Variants in PROCR observed in about 807,000 individuals in gnomAD.
PROCR encodes the protein endothelial protein C receptor.
A neutral mutation model predicts 24.2 loss-of-function variants in PROCR; 22 were observed. The observed-to-expected ratio is 0.91, with a 90% CI of 0.65 to 1.30. The LOEUF (loss-of-function observed/expected upper bound fraction) is 1.30. Ranked by LOEUF, PROCR falls within the 50% of genes most tolerant of loss-of-function variation. PROCR has a pLI of 0.00. For missense variants in PROCR, 288 were observed against 307.7 expected, an observed-to-expected ratio of 0.94 and a Z score of 0.48; for synonymous variants, 137 against 139.2, an observed-to-expected ratio of 0.98 and a Z score of 0.11.
intron 1 of PROCR, among the ~76,000 whole-genome samples, chr20:35,194,666 T>G (rs1014354331): frequency 2.6e-5 from 4 of 152,206 alleles, no homozygotes; most frequent in Non-Finnish European, 5.9e-5. Context: ...AGCTTGGTAA[T>G]GGCTTTGATA....
intron 1 of PROCR, among the ~76,000 whole-genome samples, chr20:35,214,907 C>CTTTTTT (rs71198708): frequency 1.7e-4 from 20 of 119,506 alleles, no homozygotes; most frequent in Non-Finnish European, 2.5e-4. Context: ...TTTTCTTTTT[C>CTTTTTT]TTTTTTTTTT....
intron 1 of PROCR, among the ~76,000 whole-genome samples, chr20:35,206,491 A>C (rs1163161539): frequency 6.6e-6 from 1 of 151,418 alleles, no homozygotes; most frequent in African/African-American, 2.4e-5. Context: ...AAAAAAAAAA[A>C]AAAAAACTCT....
chr20:35,202,454 CAAAAA>C (rs145979581), intron 1 of PROCR: 1 of 117,048 alleles, frequency 8.5e-6, no homozygotes, highest in African/African-American at 3.5e-5. Flanking sequence ...ATTCCATTTC[CAAAAA>C]AAAAAAAAAG....
At chr20:35,172,007 C>T (rs953650560), upstream of PROCR, 3 of 737,658 alleles carry the variant, frequency 4.1e-6, no homozygotes, top group South Asian at 1.4e-5. Flanking sequence ...GCCTCTTCCT[C>T]CTCCCATCTC....
downstream of PROCR, among the ~76,000 whole-genome samples, chr20:35,178,483 G>C (rs1305327802): frequency 3.5e-5 from 4 of 113,746 alleles, no homozygotes; most frequent in Non-Finnish European, 5.3e-5. Flanking sequence ...CTTTGAACTA[G>C]AAATTTAACT....
chr20:35,176,264 T>C lies in PROCR; in HGVS notation c.419T>C (p.Phe140Ser). 1 of 1,614,190 alleles carries C rather than the reference T, an allele frequency of 6.2e-7. No individual in the cohort carries two copies. The highest frequency in any genetic ancestry group is 8.5e-7 in the Non-Finnish European group (1 of 1,180,022). ...GAAGTGGCTGTGAATGGGAGCTCCT[T>C]TGTGAGTTTCCGGCCGGAGAGAGCC... ...FFEVAVNGSS[F>S]VSFRPERALW... The change falls in exon 3 of 4, where the codon TTT (phenylalanine) becomes TCT (serine). Residue 140 changes from phenylalanine (F) to serine (S), a missense_variant. Physicochemically the swap from Phe to Ser is radical, Grantham distance 155. Transcript: ENST00000216968.
chr20:35,193,409 C>T (rs773828825), intron 1 of PROCR, among the ~76,000 whole-genome samples: 1 of 152,130 alleles, frequency 6.6e-6, no homozygotes, highest in Admixed American at 6.5e-5. Context: ...CTCTTGACCT[C>T]GTGATCTGCC....
At chr20:35,205,454 A>T (rs1171060692) in intron 1 of PROCR, among the ~76,000 whole-genome samples, 1 of 146,044 alleles carries the variant, frequency 6.8e-6, no homozygotes, top group Non-Finnish European at 1.5e-5. Context: ...TTAATCCAAA[A>T]ATATATATAT....
intron 1 of PROCR, among the ~76,000 whole-genome samples, chr20:35,173,532 C>T (rs958469506): frequency 1.4e-5 from 2 of 147,696 alleles, no homozygotes; most frequent in African/African-American, 5.0e-5. Flanking sequence ...CAGGTTCAGG[C>T]GATTCTCCTG....
At chr20:35,205,272 C>CAATAAT (rs74173939) in intron 1 of PROCR, among the ~76,000 whole-genome samples, 55,361 of 146,956 alleles carry the variant, frequency 0.38, 11,621 homozygotes, top group East Asian at 0.61. Context: ...GACTCCATCT[C>CAATAAT]AATAATAATA....
chr20:35,171,909 G>C (rs557821151), upstream of PROCR, among the ~76,000 whole-genome samples: 3 of 152,108 alleles, frequency 2.0e-5, no homozygotes, highest in Non-Finnish European at 4.4e-5. Flanking sequence ...GGGCAGGAGG[G>C]AGCAATGAAG....
chr20:35,202,124 C>T (rs1416713262), intron 1 of PROCR: 1 of 152,112 alleles, frequency 6.6e-6, no homozygotes, highest in Non-Finnish European at 1.5e-5. Context: ...TTTCCAAGTG[C>T]CCACAGAACA....
At chr20:35,180,612 CT>C (rs1389653679), downstream of PROCR, among the ~76,000 whole-genome samples, 3 of 151,688 alleles carry the variant, frequency 2.0e-5, no homozygotes, top group East Asian at 5.8e-4. Context: ...CTTCTTCCCC[CT>C]GGTAAGCATC....
intron 1 of PROCR, among the ~76,000 whole-genome samples, chr20:35,207,154 G>C (rs937937686): frequency 1.3e-5 from 2 of 152,152 alleles, no homozygotes; most frequent in Admixed American, 6.5e-5. Flanking sequence ...TATAGGAATA[G>C]AGAACATATC....
intron 3 of PROCR, 85 bp from the exon 4 acceptor site, chr20:35,176,613 G>A: frequency 6.4e-7 from 1 of 1,569,824 alleles, no homozygotes; most frequent in Non-Finnish European, 8.6e-7. Flanking sequence ...CCTTTCCTCT[G>A]GGGCAGAAAC....
At chr20:35,186,281 T>C (rs893954726) in intron 1 of PROCR, among the ~76,000 whole-genome samples, 8 of 152,162 alleles carry the variant, frequency 5.3e-5, no homozygotes, top group Non-Finnish European at 1.2e-4. Flanking sequence ...AAAAACATGA[T>C]AAGTAGTCCG....
At chr20:35,175,911 T>C (rs1449839722) in intron 2 of PROCR, among the ~76,000 whole-genome samples, 3 of 150,612 alleles carry the variant, frequency 2.0e-5, no homozygotes, top group Non-Finnish European at 4.4e-5. Context: ...TTTTTTTTTC[T>C]ATTACAGTTG....
intron 1 of PROCR, among the ~76,000 whole-genome samples, chr20:35,193,600 A>G (rs762330085): frequency 3.3e-5 from 5 of 152,372 alleles, no homozygotes; most frequent in South Asian, 2.1e-4. Flanking sequence ...AGTTTACATT[A>G]CAAAGGAATG....
At chr20:35,174,480 G>A (rs2085985187) in intron 1 of PROCR, 2 of 612,760 alleles carry the variant, frequency 3.3e-6, no homozygotes, top group South Asian at 1.8e-5. Context: ...TTCCACTGCA[G>A]GCCTCAGTTT....
Sources: gnomAD v4.1 joint callset for allele counts (sites outside exome capture counted in the v4.1 genomes callset) on GRCh38, gnomAD v4.1.1 for gene constraint, MANE v1.5 for transcripts, NCBI Gene and HGNC (gene_info 2026-07-23, HGNC 2026-07-21) for gene names.